Variants in FUT8 observed in about 807,000 individuals in gnomAD.
The protein encoded by FUT8 is fucosyltransferase 8, also known as alpha-(1,6)-fucosyltransferase.
Under a neutral mutation model 71.3 loss-of-function variants are expected in FUT8, and 29 were observed. The ratio of observed to expected loss-of-function variants is 0.41; its 90% CI spans 0.30 to 0.55. The LOEUF (loss-of-function observed/expected upper bound fraction) is 0.55. Ranked by LOEUF, FUT8 falls within the 20% of genes least tolerant of loss-of-function variation. The pLI is 0.34. For missense variants in FUT8, 544 were observed against 702.1 expected (o/e 0.77, Z 2.55); for synonymous variants, 254 against 239.3 (o/e 1.06, Z -0.57).
At chr14:65,597,636 CATAA>C (rs1888063568) in intron 3 of FUT8, among the ~76,000 whole-genome samples, 6 of 145,210 alleles carry the variant, frequency 4.1e-5, no homozygotes, top group African/African-American at 1.5e-4. Flanking sequence ...AAAAAAAAAA[CATAA>C]ATAAAAGAAG....
chr14:65,434,155 A>C (rs1162894836), intron 1 of FUT8, among the ~76,000 whole-genome samples: 1 of 152,248 alleles, frequency 6.6e-6, no homozygotes, highest in Non-Finnish European at 1.5e-5. Context: ...CAACAATTCT[A>C]AAATGCCTTA....
chr14:65,678,917 T>A (rs1892899705), intron 7 of FUT8, among the ~76,000 whole-genome samples: 2 of 152,160 alleles, frequency 1.3e-5, no homozygotes, highest in African/African-American at 4.8e-5. Flanking sequence ...CCAGCAGAGA[T>A]TATGTAAGCA....
chr14:65,508,062 A>C (rs944211846), intron 2 of FUT8, among the ~76,000 whole-genome samples: 1 of 142,964 alleles, frequency 7.0e-6, no homozygotes, highest in Non-Finnish European at 1.5e-5. Flanking sequence ...CAGTGATGTT[A>C]AACACTTTTT....
At chr14:65,650,869 C>T (rs780944548) in intron 6 of FUT8, among the ~76,000 whole-genome samples, 3 of 152,158 alleles carry the variant, frequency 2.0e-5, no homozygotes, top group Non-Finnish European at 2.9e-5. Flanking sequence ...AAAAAAGCCC[C>T]ATTTTAATGA....
At chr14:65,726,209 G>T (rs973744861) in intron 9 of FUT8, among the ~76,000 whole-genome samples, 3 of 152,218 alleles carry the variant, frequency 2.0e-5, no homozygotes, top group Non-Finnish European at 4.4e-5. Flanking sequence ...TGAAGAAAAA[G>T]ATACTAATTT....
In FUT8 at chr14:65,703,963, C is replaced by T. The variant is rs527687417; in HGVS notation, c.836-17812C>T. Among the ~76,000 whole-genome samples the T allele has an allele frequency of 1.2e-4, 19 of 152,318 alleles. No individual in the cohort carries two copies. In the South Asian group the frequency reaches 3.9e-3, roughly 32 times the overall value. On this transcript the variant is annotated intron_variant, in intron 7 of 10. Transcript: ENST00000673929. ...TTTGTTTTTGCTTCCTTTAACATGACTCTGCGTTTTCATTTTCTTCTCTTA... is the reference window on the plus strand; with the variant it reads ...TTTGTTTTTGCTTCCTTTAACATGATTCTGCGTTTTCATTTTCTTCTCTTA...
chr14:65,693,107 C>T (rs1335232775), intron 7 of FUT8, among the ~76,000 whole-genome samples: 55 of 152,318 alleles, frequency 3.6e-4, no homozygotes, highest in African/African-American at 1.2e-3. Flanking sequence ...GACGGGGTGG[C>T]GGCCAGGCAG....
intron 6 of FUT8, among the ~76,000 whole-genome samples, chr14:65,632,285 C>A: frequency 6.6e-6 from 1 of 152,162 alleles, no homozygotes; most frequent in Non-Finnish European, 1.5e-5. Flanking sequence ...ACTTTTAGTT[C>A]TTTAAGAATC....
chr14:65,656,081 A>C (rs150112533), intron 6 of FUT8, among the ~76,000 whole-genome samples: 1,843 of 152,288 alleles, frequency 0.012, 15 homozygotes, highest in Middle Eastern at 0.024. Context: ...ACTGTTATTC[A>C]ACATAGTGCT....
chr14:65,730,411 C>T (rs1234332683), intron 9 of FUT8, among the ~76,000 whole-genome samples: 2 of 152,192 alleles, frequency 1.3e-5, no homozygotes, highest in Admixed American at 6.5e-5. Flanking sequence ...CAGTGGCTCA[C>T]GATTGTAATC....
chr14:65,557,961 C>T (rs1380888193), intron 2 of FUT8, among the ~76,000 whole-genome samples: 2 of 152,044 alleles, frequency 1.3e-5, no homozygotes, highest in South Asian at 2.1e-4. Context: ...TCAGTTATAT[C>T]GTTGTCTTTG....
At chr14:65,713,290 C>G (rs752066835) in intron 7 of FUT8, among the ~76,000 whole-genome samples, 1 of 152,114 alleles carries the variant, frequency 6.6e-6, no homozygotes. Context: ...ACCATATTTT[C>G]TTTGTTTATT....
chr14:65,417,619 T>TA (rs943728452), intron 1 of FUT8, among the ~76,000 whole-genome samples: 3 of 152,126 alleles, frequency 2.0e-5, no homozygotes, highest in African/African-American at 7.2e-5. Context: ...CCATCTACTT[T>TA]AAAAAAATAC....
At chr14:65,589,633 A>G (rs894180756) in intron 3 of FUT8, among the ~76,000 whole-genome samples, 1 of 151,612 alleles carries the variant, frequency 6.6e-6, no homozygotes, top group Non-Finnish European at 1.5e-5. Context: ...TTTAGTAGAG[A>G]CGGGGTTTCA....
chr14:65,402,447 T>G, the FUT8 span, among the ~76,000 whole-genome samples: 1 of 151,490 alleles, frequency 6.6e-6, no homozygotes, highest in African/African-American at 2.4e-5. Flanking sequence ...GGCGGGTGGA[T>G]CACAAGGTCA....
chr14:65,670,814 A>G (rs1374222867), intron 7 of FUT8, among the ~76,000 whole-genome samples: 1 of 152,170 alleles, frequency 6.6e-6, no homozygotes, highest in Non-Finnish European at 1.5e-5. Flanking sequence ...TTGCTCTGCA[A>G]GAGGTCCTGT....
chr14:65,401,166 A>T, the FUT8 span, among the ~76,000 whole-genome samples: 1 of 152,230 alleles, frequency 6.6e-6, no homozygotes, highest in Non-Finnish European at 1.5e-5. Flanking sequence ...GCAAAAACCA[A>T]TATGAGGACT....
rs1888401509 is a variant in FUT8 at position 65,603,252 on chromosome 14, T to C, written c.204-12726T>C. Among the ~76,000 whole-genome samples the C allele has an allele frequency of 6.6e-6, 1 of 151,928 alleles. No individual in the cohort carries two copies. The highest frequency in any genetic ancestry group is 1.5e-5 in the Non-Finnish European group (1 of 67,932). The stretch of plus-strand genomic sequence containing the variant: ...TAGGATGTCCTTTCCCCACTTTATG[T>C]TTTTGTTTGCTTTGTCGAAGATCAG... On this transcript the variant is annotated intron_variant, in intron 3 of 10. Transcript: ENST00000673929. This position sits in a 1 kb window ranked among gnomAD's most constrained non-coding sequence, Gnocchi z 4.5.
chr14:65,514,382 G>A (rs1882563406), intron 2 of FUT8, among the ~76,000 whole-genome samples: 1 of 152,246 alleles, frequency 6.6e-6, no homozygotes, highest in African/African-American at 2.4e-5. Flanking sequence ...TACCAAGATT[G>A]GTTGGGCAGT....
Sources: gnomAD v4.1 joint callset for allele counts (sites outside exome capture counted in the v4.1 genomes callset) on GRCh38, gnomAD v4.1.1 for gene constraint, Gnocchi (gnomAD v3.1) non-coding constraint, MANE v1.5 for transcripts, NCBI Gene and HGNC (gene_info 2026-07-23, HGNC 2026-07-21) for gene names.